The following ARID4A variants were observed in gnomAD, a reference collection of about 807,000 sequenced individuals.
ARID4A encodes the protein AT-rich interaction domain 4A, also known as AT-rich interactive domain-containing protein 4A.
A neutral mutation model predicts 148.6 loss-of-function variants in ARID4A; 39 were observed. That is an observed-to-expected ratio of 0.26 (90% CI 0.20 to 0.34). The LOEUF (loss-of-function observed/expected upper bound fraction) is 0.34, where lower values mean the gene tolerates loss of function less well. ARID4A is among the 10% of genes least tolerant of loss of function. ARID4A has a pLI of 1.00. For missense variants in ARID4A, 1,265 were observed against 1,449.1 expected, an observed-to-expected ratio of 0.87 and a Z score of 2.06; for synonymous variants, 475 against 481.2, an observed-to-expected ratio of 0.99 and a Z score of 0.17.
intron 4 of ARID4A, 80 bp downstream of exon 4, chr14:58,305,089 CTT>C (rs1407780576): frequency 3.1e-5 from 37 of 1,203,028 alleles, no homozygotes; most frequent in Non-Finnish European, 3.7e-5. Context: ...TCTACATAGA[CTT>C]AACATTTTAT....
rs569719791 is a variant in ARID4A, at chr14:58,308,257, A to G, written c.274+2145A>G. ...CAAAGAGCTTTAGAATCTTAATTGCATATAATTGAGGTATCAAGCATTAGT... is the reference window on the plus strand; with the variant it reads ...CAAAGAGCTTTAGAATCTTAATTGCGTATAATTGAGGTATCAAGCATTAGT... On this transcript the variant is annotated intron_variant, in intron 5 of 23. Coordinates refer to ENST00000355431, the MANE Select transcript of ARID4A (RefSeq NM_002892.4). 2.4e-4 allele frequency among the ~76,000 whole-genome samples: 37 copies of G among 152,334 alleles called. No individual in the cohort carries two copies. In the South Asian group the frequency reaches 7.2e-3, roughly 30 times the overall value.
chr14:58,304,181 T>G (rs1203371297), intron 3 of ARID4A, among the ~76,000 whole-genome samples: 4 of 152,212 alleles, frequency 2.6e-5, no homozygotes, highest in African/African-American at 9.6e-5. Flanking sequence ...CTTCAAGTAT[T>G]AGGATAGGAT....
rs568850996 is a variant in ARID4A, at chr14:58,371,365, A to G, written c.3671-521A>G. ...AAAACACCTAATGCTCAGAGTACCG[A>G]TCCCTAATCTGTGTTATGTCCTCCT... On this transcript the variant is annotated intron_variant, in intron 23 of 23. Transcript: ENST00000355431. Among the ~76,000 whole-genome samples the G allele has an allele frequency of 2.0e-5, 3 of 152,310 alleles. No homozygotes were observed. The South Asian group carries it at 6.2e-4, about 32-fold the overall frequency.
chr14:58,354,094 A>G (rs1032311061), intron 17 of ARID4A, among the ~76,000 whole-genome samples: 1 of 152,196 alleles, frequency 6.6e-6, no homozygotes, highest in Admixed American at 6.5e-5. Flanking sequence ...ACTCATTTAT[A>G]GTGAGGGAGA....
intron 21 of ARID4A, 151 bp downstream of exon 21, chr14:58,365,773 C>G: frequency 1.3e-6 from 1 of 757,580 alleles, no homozygotes; most frequent in Non-Finnish European, 2.0e-6. Context: ...CATTTTTATT[C>G]TTAGGAACTC....
At chr14:58,328,397 A>C in intron 9 of ARID4A, 81 bp downstream of exon 9, 1 of 934,976 alleles carries the variant, frequency 1.1e-6, no homozygotes, top group African/African-American at 1.7e-5. Flanking sequence ...CCCCCACCAA[A>C]ACTTTATTTT....
At chr14:58,321,108 G>T (rs1658975978) in intron 7 of ARID4A, among the ~76,000 whole-genome samples, 1 of 152,174 alleles carries the variant, frequency 6.6e-6, no homozygotes, top group African/African-American at 2.4e-5. Context: ...GGTGGTGCCT[G>T]CCAAATTTCT....
In ARID4A at chr14:58,370,956, G is replaced by A. The variant is rs530892433; in HGVS notation, c.3671-930G>A. On this transcript the variant is annotated intron_variant, in intron 23 of 23. Transcript: ENST00000355431. ...TTTTATTTGCTTATGTTTTTATAAT[G>A]AGTTATTAAATTGAGATTTGAGTGA... Among the ~76,000 whole-genome samples the A allele has an allele frequency of 4.6e-5, 7 of 152,164 alleles. No homozygotes were observed. In the South Asian group the frequency reaches 1.5e-3, roughly 32 times the overall value.
At position 58,365,268 on chromosome 14, in the gene ARID4A, T is replaced by C. The variant is rs1403682204; in HGVS notation, c.3179T>C (p.Ile1060Thr). 4 of 1,613,874 alleles carry C rather than the reference T, an allele frequency of 2.5e-6. No homozygotes were observed. The highest frequency in any genetic ancestry group is 3.4e-6 in the Non-Finnish European group (4 of 1,179,876). Residue 1060 changes from isoleucine (I) to threonine (T), a missense_variant, in exon 20 of 24, where the codon ATA (isoleucine) becomes ACA (threonine). By Grantham distance (89) the Ile-to-Thr change is moderately conservative. Coordinates refer to ENST00000355431, the MANE Select transcript of ARID4A (RefSeq NM_002892.4). ...ETNVASGTCS[I>T]IVQERESREK... The stretch of plus-strand genomic sequence containing the variant: ...AATGTTGCCTCTGGTACCTGTAGTA[T>C]AATTGTACAAGAGAGAGAGAGCAGA...
chr14:58,301,837 G>T (rs2031195931), intron 3 of ARID4A, 147 bp downstream of exon 3: 1 of 502,588 alleles, frequency 2.0e-6, no homozygotes, highest in Non-Finnish European at 3.4e-6. Context: ...CAAAAATAAA[G>T]AAATAAAAAA....
chr14:58,300,710 CAT>C (rs987137461), intron 2 of ARID4A, among the ~76,000 whole-genome samples: 10 of 151,590 alleles, frequency 6.6e-5, no homozygotes, highest in African/African-American at 2.4e-4. Flanking sequence ...AACAAAAAAT[CAT>C]TTTCTACTTC....
intron 11 of ARID4A, chr14:58,331,653 G>C (rs1186523443): frequency 6.6e-6 from 1 of 152,118 alleles, no homozygotes; most frequent in East Asian, 1.9e-4. Flanking sequence ...AAAAAAGACA[G>C]TAGGAGTCTA....
chr14:58,300,806 GAA>G (rs35202471), intron 2 of ARID4A, among the ~76,000 whole-genome samples: 11 of 132,038 alleles, frequency 8.3e-5, no homozygotes, highest in African/African-American at 1.4e-4. Flanking sequence ...TTAACTTCCG[GAA>G]AAAAAAAAAA....
intron 5 of ARID4A, among the ~76,000 whole-genome samples, chr14:58,309,486 G>A (rs2031859321): frequency 6.6e-6 from 1 of 151,942 alleles, no homozygotes; most frequent in South Asian, 2.1e-4. Flanking sequence ...GTTAAAATTG[G>A]GATTAGAATT....
At chr14:58,355,565 A>G (rs1251611898) in intron 17 of ARID4A, among the ~76,000 whole-genome samples, 3 of 152,234 alleles carry the variant, frequency 2.0e-5, no homozygotes, top group Admixed American at 1.3e-4. Flanking sequence ...TAATTGAACT[A>G]TGCTGTGGCT....
At position 58,372,546 on chromosome 14, in the gene ARID4A, T is replaced by A. The variant is rs1158418311; in HGVS notation, c.*557T>A. The A allele has an allele frequency of 4.7e-6, 1 of 212,598 alleles. No homozygotes were observed. Among genetic ancestry groups the A allele is most frequent in the African/African-American group, 2.3e-5 (1 of 44,230 alleles). The allele number at this position is 212,598 out of a possible 1,614,324, so 13.2% of individuals were successfully genotyped here. A position where few individuals can be genotyped will look rare whatever the true frequency, so the allele number is the denominator to read the frequency against. On this transcript the variant is annotated 3_prime_UTR_variant, in exon 24 of 24. Coordinates refer to ENST00000355431, the MANE Select transcript of ARID4A (RefSeq NM_002892.4). ...AAGGTGTAAATGGGACAAAATAAAT[T>A]GTGAAAGGAAGTGTAGTTGACTGAA...
intron 12 of ARID4A, among the ~76,000 whole-genome samples, chr14:58,346,210 A>T (rs1473949745): frequency 1.3e-5 from 2 of 149,066 alleles, no homozygotes; most frequent in Non-Finnish European, 3.0e-5. Context: ...ATATTATTAT[A>T]TATAAAACAT....
intron 16 of ARID4A, among the ~76,000 whole-genome samples, chr14:58,353,207 C>CT (rs982433116): frequency 1.3e-5 from 2 of 152,068 alleles, no homozygotes; most frequent in African/African-American, 4.8e-5. Flanking sequence ...ATCCTTAAAT[C>CT]TTTTTTTACA....
chr14:58,351,449 G>A lies in ARID4A; in HGVS notation c.1655+126G>A, dbSNP rs139840407. 5.5e-5 allele frequency: 70 copies of A among 1,264,294 alleles called. No homozygotes were observed. In the Admixed American group the frequency reaches 1.6e-3, roughly 29 times the overall value. The allele number at this position is 1,264,294 out of a possible 1,614,324, so 78.3% of individuals were successfully genotyped here. A position where few individuals can be genotyped will look rare whatever the true frequency, so the allele number is the denominator to read the frequency against. On this transcript the variant is annotated intron_variant, in intron 16 of 23. Coordinates refer to ENST00000355431, the MANE Select transcript of ARID4A (RefSeq NM_002892.4). ...GGGACTTCCGTTCCTCTTGTCTAAT[G>A]AAGGTGAGACACATTGTGAAGATGA... is the stretch of plus-strand genomic sequence containing the variant.
Sources: gnomAD v4.1 joint callset for allele counts (sites outside exome capture counted in the v4.1 genomes callset) on GRCh38, gnomAD v4.1.1 for gene constraint, MANE v1.5 for transcripts, NCBI Gene and HGNC (gene_info 2026-07-23, HGNC 2026-07-21) for gene names.